TRARG1: variants seen among roughly 807,000 people sequenced by gnomAD.
TRARG1 encodes the protein trafficking regulator of GLUT4 (SLC2A4) 1 (gene/pseudogene).
In TRARG1, 16 loss-of-function variants were observed where a neutral mutation model predicts 13.3. That is an observed-to-expected ratio of 1.20 (90% CI 0.81 to 1.83). The LOEUF (loss-of-function observed/expected upper bound fraction) is 1.83. Ranked by LOEUF, TRARG1 falls within the 40% of genes most tolerant of loss-of-function variation. The probability of loss-of-function intolerance (pLI) is 0.00; values close to 1 mark genes in which losing one functional copy is unlikely to be tolerated. For synonymous variants in TRARG1, 113 were observed against 106.2 expected (o/e 1.06, Z -0.39); for missense variants, 250 against 237.4 (o/e 1.05, Z -0.35).
chr17:1,281,295 AATG>A (rs2071970828), intron 1 of TRARG1, among the ~76,000 whole-genome samples: 1 of 152,062 alleles, frequency 6.6e-6, no homozygotes, highest in African/African-American at 2.4e-5. Flanking sequence ...AGGGCTCAGC[AATG>A]ATTTCAGAGT....
chr17:1,282,878 C>T (rs752831669), intron 1 of TRARG1, among the ~76,000 whole-genome samples: 9 of 151,918 alleles, frequency 5.9e-5, no homozygotes, highest in East Asian at 1.9e-4. Flanking sequence ...TTAGTAGAGA[C>T]GGGGTTTCTC....
chr17:1,282,202 GC>G (rs2071983041), intron 1 of TRARG1, among the ~76,000 whole-genome samples: 1 of 144,348 alleles, frequency 6.9e-6, no homozygotes, highest in Non-Finnish European at 1.5e-5. Flanking sequence ...GTGTACACGT[GC>G]GTATATGTAC....
Position 1,300,846 on chromosome 17 carries a change from C to A in TRARG1, c.*2582C>A, listed in dbSNP as rs1306655647. 2 of 152,304 alleles carry A rather than the reference C, an allele frequency of 1.3e-5. No individual in the cohort carries two copies. Among genetic ancestry groups the A allele is most frequent in the African/African-American group, 4.8e-5 (2 of 41,468 alleles). 9.4% of individuals were successfully genotyped at this position (152,304 alleles called of 1,614,324 possible). On this transcript the variant is annotated 3_prime_UTR_variant, in exon 3 of 3. Coordinates refer to ENST00000333813, the MANE Select transcript of TRARG1 (RefSeq NM_172367.3). ...CGCCACCTGCATGAACACAGTGGCC[C>A]GGCTTAACGCACTAACCCAGCCTCT...
chr17:1,291,720 G>T (rs938544943), intron 1 of TRARG1, among the ~76,000 whole-genome samples: 4 of 152,178 alleles, frequency 2.6e-5, no homozygotes, highest in African/African-American at 9.7e-5. Context: ...TTATTCTCCT[G>T]GCAGAGCTGG....
At chr17:1,292,620 C>T (rs1461807778) in intron 1 of TRARG1, among the ~76,000 whole-genome samples, 1 of 152,250 alleles carries the variant, frequency 6.6e-6, no homozygotes, top group South Asian at 2.1e-4. Context: ...CACCTTCGCA[C>T]ATGGCTGTTA....
In TRARG1 at chr17:1,299,572, C is replaced by G. The variant is rs948579882; in HGVS notation, c.*1308C>G. Reference sequence around the variant, plus strand: ...AAGTGGGGCCCTCGGCCTCTTCCTTCGTTCCAGGCCCATGATTTTCCCTAC... The same window carrying G: ...AAGTGGGGCCCTCGGCCTCTTCCTTGGTTCCAGGCCCATGATTTTCCCTAC... On this transcript the variant is annotated 3_prime_UTR_variant, in exon 3 of 3. Transcript: ENST00000333813. 4 of 152,238 alleles carry G rather than the reference C, an allele frequency of 2.6e-5. No individual in the cohort carries two copies. The highest frequency in any genetic ancestry group is 5.9e-5 in the Non-Finnish European group (4 of 68,120). The allele number at this position is 152,238 out of a possible 1,614,324, so 9.4% of individuals were successfully genotyped here.
intron 1 of TRARG1, among the ~76,000 whole-genome samples, chr17:1,287,508 C>G (rs1598190816): frequency 6.6e-6 from 1 of 151,274 alleles, no homozygotes; most frequent in South Asian, 2.1e-4. Flanking sequence ...CTACAGGGGC[C>G]CACTACCACG....
Position 1,282,344 on chromosome 17 carries a change from A to G in TRARG1, c.387+1956A>G, listed in dbSNP as rs561469240. On this transcript the variant is annotated intron_variant, in intron 1 of 2. Transcript: ENST00000333813. ...TGTACATATATGTACGTATATGTAC[A>G]TATGCGTATATATGTATATATGTAC... Among the ~76,000 whole-genome samples, 4 of 151,656 alleles carry G rather than the reference A, an allele frequency of 2.6e-5. No homozygotes were observed. The East Asian group carries it at 7.7e-4, about 29-fold the overall frequency.
intron 1 of TRARG1, among the ~76,000 whole-genome samples, chr17:1,289,805 T>A: frequency 6.6e-6 from 1 of 152,002 alleles, no homozygotes; most frequent in East Asian, 1.9e-4. Context: ...AGCTACATAC[T>A]CATGGCACCC....
In TRARG1 at chr17:1,295,511, G is replaced by C. The variant is rs751510149; in HGVS notation, c.408G>C (p.Gln136His). 3.7e-6 allele frequency: 6 copies of C among 1,610,754 alleles called. No homozygotes were observed. The highest frequency in any genetic ancestry group is 5.1e-6 in the Non-Finnish European group (6 of 1,178,738). Residue 136 changes from glutamine to histidine, a missense_variant, in exon 2 of 3, where the codon CAG becomes CAC. Coordinates refer to ENST00000333813, the MANE Select transcript of TRARG1 (RefSeq NM_172367.3). ...CGCAGTCTCGAAGCAGCATGCAACAGGGCAACGTGGACGGCGCCCGGAGGC... is the reference window on the plus strand; with the variant it reads ...CGCAGTCTCGAAGCAGCATGCAACACGGCAACGTGGACGGCGCCCGGAGGC... ...ISIMSRSSMQ[Q>H]GNVDGARRLG...
At chr17:1,298,160 T>C in intron 2 of TRARG1, 91 bp from the exon 3 acceptor site, 1 of 1,551,924 alleles carries the variant, frequency 6.4e-7, no homozygotes. Flanking sequence ...CACTTCCCAC[T>C]GGGAACCAGA....
chr17:1,298,688 AC>A lies in TRARG1; in HGVS notation c.*425del, dbSNP rs898129069. On this transcript the variant is annotated 3_prime_UTR_variant, in exon 3 of 3. Coordinates refer to ENST00000333813, the MANE Select transcript of TRARG1 (RefSeq NM_172367.3). ...TCCTGTCTGTGGACTCGGAGCAAAG[AC>A]GTGGGGCCCCATCTTTTGTGTTTTC... 4.2e-5 allele frequency: 8 copies of A among 192,354 alleles called. No individual in the cohort carries two copies. Among genetic ancestry groups the A allele is most frequent in the African/African-American group, 1.9e-4 (8 of 42,920 alleles). 11.9% of individuals were successfully genotyped at this position (192,354 alleles called of 1,614,324 possible).
chr17:1,292,824 C>A (rs1598193803), intron 1 of TRARG1, among the ~76,000 whole-genome samples: 1 of 152,188 alleles, frequency 6.6e-6, no homozygotes, highest in Admixed American at 6.5e-5. Context: ...TTCGTGTGAT[C>A]ACAAAGGAGG....
Position 1,295,487 on chromosome 17 carries a change from G to T in TRARG1, c.388-4G>T. 6.2e-7 allele frequency: 1 copy of T among 1,601,076 alleles called. No homozygotes were observed. ...CCCGGGGTCTCTCTGTGCTCTCTCC[G>T]CAGTCTCGAAGCAGCATGCAACAGG... is the stretch of plus-strand genomic sequence containing the variant. On this transcript the variant is annotated splice_polypyrimidine_tract_variant and splice_region_variant and intron_variant, in intron 1 of 2. Transcript: ENST00000333813.
rs1275171198 is a variant in TRARG1 at position 1,300,676 on chromosome 17, A to C, written c.*2412A>C. On this transcript the variant is annotated 3_prime_UTR_variant, in exon 3 of 3. Coordinates refer to ENST00000333813, the MANE Select transcript of TRARG1 (RefSeq NM_172367.3). Reference sequence around the variant, plus strand: ...GGCGGAGGCCCGCAGAGCACAGAGCAGGAGAAGGGCTTGGGCCCTGGAGGA... The same window carrying C: ...GGCGGAGGCCCGCAGAGCACAGAGCCGGAGAAGGGCTTGGGCCCTGGAGGA... 1 of 152,606 alleles carries C rather than the reference A, an allele frequency of 6.6e-6. No homozygotes were observed. Among genetic ancestry groups the C allele is most frequent in the Non-Finnish European group, 1.5e-5 (1 of 68,336 alleles). 9.5% of individuals were successfully genotyped at this position (152,606 alleles called of 1,614,324 possible). A position where few individuals can be genotyped will look rare whatever the true frequency, so the allele number is the denominator to read the frequency against.
At position 1,298,948 on chromosome 17, in the gene TRARG1, T is replaced by C. The variant is rs982075845; in HGVS notation, c.*684T>C. Reference sequence around the variant, plus strand: ...GTGTCTGTGAAGACAGGTACCAGGATGGCAGGACCCGCACGCCTCTTCCCA... The same window carrying C: ...GTGTCTGTGAAGACAGGTACCAGGACGGCAGGACCCGCACGCCTCTTCCCA... On this transcript the variant is annotated 3_prime_UTR_variant, in exon 3 of 3. Coordinates refer to ENST00000333813, the MANE Select transcript of TRARG1 (RefSeq NM_172367.3). 6.6e-6 allele frequency: 1 copy of C among 152,258 alleles called. No individual in the cohort carries two copies. The highest frequency in any genetic ancestry group is 2.4e-5 in the African/African-American group (1 of 41,456). 9.4% of individuals were successfully genotyped at this position (152,258 alleles called of 1,614,324 possible). A position where few individuals can be genotyped will look rare whatever the true frequency, so the allele number is the denominator to read the frequency against.
rs1395370433 is a variant in TRARG1 at position 1,280,084 on chromosome 17, T to C, written c.83T>C (p.Ile28Thr). 8.7e-6 allele frequency: 14 copies of C among 1,613,540 alleles called. No homozygotes were observed. The highest frequency in any genetic ancestry group is 1.1e-5 in the Non-Finnish European group (13 of 1,180,018). Residue 28 changes from isoleucine (I) to threonine (T), a missense_variant, in exon 1 of 3, where the codon ATA becomes ACA. Ile to Thr is a moderately conservative substitution (Grantham distance 89). Transcript: ENST00000333813. ...TTCCTGGACCTGCCGGAGATGGAGA[T>C]ACTCCTCACCAAGGCAGAGAACAAG... is the stretch of plus-strand genomic sequence containing the variant. ...AAFLDLPEME[I>T]LLTKAENKDD...
chr17:1,285,478 G>T (rs1439155623), intron 1 of TRARG1, among the ~76,000 whole-genome samples: 3 of 151,154 alleles, frequency 2.0e-5, no homozygotes, highest in African/African-American at 7.3e-5. Context: ...AGGCCAAGGC[G>T]GGTGGATCAC....
In TRARG1 at chr17:1,298,252, T is replaced by G. The variant is rs745540969; in HGVS notation, c.522T>G (p.Val174=). The change falls in exon 3 of 3, where the codon GTT becomes GTG. Residue 174 remains valine (V), a splice_region_variant and synonymous_variant. Transcript: ENST00000333813. The stretch of plus-strand genomic sequence containing the variant: ...CATATCTGTTTTTTTTCTTTACAGT[T>G]CAGAAGAAATAAACTTAAGCAGGGA... ...IMVAVTVNFT[V]QKK 2 of 1,613,618 alleles carry G rather than the reference T, an allele frequency of 1.2e-6. No homozygotes were observed. The highest frequency in any genetic ancestry group is 1.7e-6 in the Non-Finnish European group (2 of 1,179,854).
Sources: gnomAD v4.1 joint callset for allele counts (sites outside exome capture counted in the v4.1 genomes callset) on GRCh38, gnomAD v4.1.1 for gene constraint, MANE v1.5 for transcripts, NCBI Gene and HGNC (gene_info 2026-07-23, HGNC 2026-07-21) for gene names.